The following FARP1 variants were observed in gnomAD, a reference collection of about 807,000 sequenced individuals.
FARP1 encodes the protein FERM, ARH/RhoGEF and pleckstrin domain protein 1.
Under a neutral mutation model 128.8 loss-of-function variants are expected in FARP1, and 52 were observed. That is an observed-to-expected ratio of 0.40 (90% confidence interval 0.32 to 0.51). The LOEUF (loss-of-function observed/expected upper bound fraction) is 0.51, where lower values mean the gene tolerates loss of function less well. FARP1 is among the 20% of genes least tolerant of loss of function. The pLI is 0.45. For synonymous variants in FARP1, 580 were observed against 551.8 expected, an observed-to-expected ratio of 1.05 and a Z score of -0.72; for missense variants, 1,333 against 1,367.9, an observed-to-expected ratio of 0.97 and a Z score of 0.40.
chr13:98,183,087 A>G (rs1482511336), intron 1 of FARP1, among the ~76,000 whole-genome samples: 1 of 152,194 alleles, frequency 6.6e-6, no homozygotes, highest in African/African-American at 2.4e-5. Flanking sequence ...CTTTTTGGGA[A>G]CCATAGTTGT....
Position 98,274,999 on chromosome 13 carries a change from C to CCT in FARP1, c.171+61586_171+61587insCT, listed in dbSNP as rs1884568303. On this transcript the variant is annotated intron_variant, in intron 2 of 26. Transcript: ENST00000319562. ...TATGATTGTATTAAAAAGTGTTCTT[C>CCT]AGCCATGCAATACTGTATTCATCTT... Among the ~76,000 whole-genome samples the CCT allele has an allele frequency of 2.0e-5, 3 of 152,294 alleles. No homozygotes were observed. In the South Asian group the frequency reaches 6.2e-4, roughly 32 times the overall value.
chr13:98,197,843 G>T (rs1879672353), intron 1 of FARP1, among the ~76,000 whole-genome samples: 1 of 151,830 alleles, frequency 6.6e-6, no homozygotes, highest in Admixed American at 6.6e-5. Context: ...TCACTGTTTA[G>T]CCAGGATGGT....
At chr13:98,324,697 C>T (rs1182775260) in intron 2 of FARP1, among the ~76,000 whole-genome samples, 1 of 152,198 alleles carries the variant, frequency 6.6e-6, no homozygotes. Flanking sequence ...TCCTTGGCAG[C>T]CTCTGCCTTC....
chr13:98,414,380 T>C (rs966078921), intron 16 of FARP1, among the ~76,000 whole-genome samples: 1 of 152,072 alleles, frequency 6.6e-6, no homozygotes, highest in African/African-American at 2.4e-5. Context: ...TCAGGGATCA[T>C]TGGAAGGGGC....
intron 2 of FARP1, among the ~76,000 whole-genome samples, chr13:98,224,416 A>C (rs1881616084): frequency 6.7e-6 from 1 of 150,132 alleles, no homozygotes; most frequent in Admixed American, 6.7e-5. Flanking sequence ...AGTCCCAGCT[A>C]CTCGGGAGGC....
intron 2 of FARP1, among the ~76,000 whole-genome samples, chr13:98,337,785 T>C (rs1205312021): frequency 6.6e-6 from 1 of 152,154 alleles, no homozygotes; most frequent in Non-Finnish European, 1.5e-5. Context: ...ATCGTTGGCT[T>C]TCAGTGCAAA....
At chr13:98,166,175 G>C (rs1041927020) in intron 1 of FARP1, among the ~76,000 whole-genome samples, 6 of 152,130 alleles carry the variant, frequency 3.9e-5, no homozygotes, top group African/African-American at 1.4e-4. Flanking sequence ...TAAACAGAGG[G>C]TACCATTAAA....
At chr13:98,295,107 ATAT>A in intron 2 of FARP1, among the ~76,000 whole-genome samples, 2 of 26,322 alleles carry the variant, frequency 7.6e-5, no homozygotes, top group South Asian at 1.2e-3. Flanking sequence ...ACACACACAT[ATAT>A]CCCCAGGCAT....
intron 3 of FARP1, among the ~76,000 whole-genome samples, chr13:98,363,452 C>A (rs1485036152): frequency 6.6e-6 from 1 of 152,184 alleles, no homozygotes; most frequent in Non-Finnish European, 1.5e-5. Context: ...CCAGTGCTAG[C>A]CAGTCCTTAG....
intron 16 of FARP1, among the ~76,000 whole-genome samples, chr13:98,413,847 G>A (rs1891282565): frequency 6.6e-6 from 1 of 152,310 alleles, no homozygotes; most frequent in South Asian, 2.1e-4. Context: ...AGCGAGACAT[G>A]TGTTAGTACC....
At chr13:98,206,126 C>T (rs1880246633) in intron 1 of FARP1, among the ~76,000 whole-genome samples, 2 of 151,550 alleles carry the variant, frequency 1.3e-5, no homozygotes, top group African/African-American at 4.9e-5. Flanking sequence ...CCTCAGTGGG[C>T]CAGCAGACAG....
chr13:98,238,890 G>A (rs1011105973), intron 2 of FARP1, among the ~76,000 whole-genome samples: 7 of 152,110 alleles, frequency 4.6e-5, no homozygotes, highest in Admixed American at 6.5e-5. Flanking sequence ...GACTGTGGAG[G>A]GGGTCTGTGC....
At chr13:98,378,958 A>T (rs1304486654) in intron 6 of FARP1, among the ~76,000 whole-genome samples, 79 of 95,614 alleles carry the variant, frequency 8.3e-4, no homozygotes, top group East Asian at 2.6e-3. Flanking sequence ...ATATATATAT[A>T]ATATATACAA....
intron 5 of FARP1, among the ~76,000 whole-genome samples, chr13:98,372,447 AC>A (rs1889389472): frequency 6.6e-6 from 1 of 151,770 alleles, no homozygotes; most frequent in African/African-American, 2.4e-5. Context: ...ATGTTTAGCC[AC>A]CCTTTGTTCT....
At chr13:98,414,779 C>G (rs1891316042) in intron 16 of FARP1, among the ~76,000 whole-genome samples, 1 of 152,148 alleles carries the variant, frequency 6.6e-6, no homozygotes, top group African/African-American at 2.4e-5. Context: ...TCCTGCAGAG[C>G]ACTACACCAC....
intron 1 of FARP1, among the ~76,000 whole-genome samples, chr13:98,146,513 T>A (rs1875576656): frequency 1.3e-5 from 2 of 152,156 alleles, no homozygotes; most frequent in African/African-American, 4.8e-5. Flanking sequence ...CAGGCGTGAG[T>A]CACAGAGCCT....
chr13:98,218,755 C>G (rs953582461), intron 2 of FARP1, among the ~76,000 whole-genome samples: 9 of 152,134 alleles, frequency 5.9e-5, no homozygotes, highest in African/African-American at 1.2e-4. Flanking sequence ...TCACTGCACT[C>G]CATGCTGCAC....
intron 24 of FARP1, 199 bp from the exon 25 acceptor site, chr13:98,445,899 C>T: frequency 1.9e-6 from 1 of 535,118 alleles, no homozygotes; most frequent in East Asian, 3.2e-5. Context: ...TGCCCCACAG[C>T]AAGTGACAAG....
rs510858 is a variant in FARP1, at chr13:98,176,918, C to T, written c.-24+33426C>T. On this transcript the variant is annotated intron_variant, in intron 1 of 26. Coordinates refer to ENST00000319562, the MANE Select transcript of FARP1 (RefSeq NM_005766.4). The surrounding 1 kb of genome is among the most constrained non-coding windows in gnomAD (Gnocchi z 6.2). Reference sequence around the variant, plus strand: ...TCGAAGTCAGCGGTGGCCCCCATGTCCTCTGGCCCCACAGGCTTCGCCGAG... The same window carrying T: ...TCGAAGTCAGCGGTGGCCCCCATGTTCTCTGGCCCCACAGGCTTCGCCGAG... 6 of 1,605,188 alleles carry T rather than the reference C, an allele frequency of 3.7e-6. No homozygotes were observed. In the African/African-American group the frequency reaches 6.7e-5, roughly 18 times the overall value.
Sources: allele counts gnomAD v4.1 joint callset (sites outside exome capture counted in the v4.1 genomes callset), GRCh38; gene constraint gnomAD v4.1.1; non-coding constraint Gnocchi (gnomAD v3.1); transcripts MANE v1.5; gene names NCBI Gene and HGNC (gene_info 2026-07-23, HGNC 2026-07-21).